The following USP50 variants were observed in gnomAD, a reference collection of about 807,000 sequenced individuals.
The protein encoded by USP50 is ubiquitin carboxyl-terminal hydrolase 50.
In USP50, 37 loss-of-function variants were observed where a neutral mutation model predicts 39.2. The ratio of observed to expected loss-of-function variants is 0.94; its 90% CI spans 0.73 to 1.24. The LOEUF is 1.24. USP50 is among the 50% of genes most tolerant of loss of function. The pLI is 0.00. For synonymous variants in USP50, 139 were observed against 144.5 expected, an observed-to-expected ratio of 0.96 and a Z score of 0.27; for missense variants, 374 against 398.2, an observed-to-expected ratio of 0.94 and a Z score of 0.52.
At chr15:50,495,002 G>C (rs950677611) in intron 1 of USP50, among the ~76,000 whole-genome samples, 2 of 146,076 alleles carry the variant, frequency 1.4e-5, no homozygotes, top group Non-Finnish European at 1.5e-5. Context: ...CTGGGCGACA[G>C]AGTGAGACTC....
At chr15:50,532,706 T>C (rs1317857332) in intron 5 of USP50, among the ~76,000 whole-genome samples, 1 of 152,106 alleles carries the variant, frequency 6.6e-6, no homozygotes, top group Non-Finnish European at 1.5e-5. Flanking sequence ...AATTTAAAAC[T>C]GATCAACACA....
rs1173450890 is a variant in USP50 at position 50,494,289 on chromosome 15, T to C, written n.185-159A>G. 2.5e-6 allele frequency: 4 copies of C among 1,586,430 alleles called. No individual in the cohort carries two copies. Among genetic ancestry groups the C allele is most frequent in the Admixed American group, 1.9e-5 (1 of 53,176 alleles). Reference sequence around the variant, plus strand: ...ATGAAGATCTAAATAAAGTAAGAAATTTGATTTTTCTAAGTTGCAGAGACT... The same window carrying C: ...ATGAAGATCTAAATAAAGTAAGAAACTTGATTTTTCTAAGTTGCAGAGACT... On this transcript the variant is annotated intron_variant and non_coding_transcript_variant, in intron 1 of 1. Coordinates refer to the USP50 transcript ENST00000560159.
Position 50,525,715 on chromosome 15 carries a change from G to A in USP50, c.936+4082C>T, listed in dbSNP as rs1330693291. The stretch of plus-strand genomic sequence containing the variant: ...TGTATATGTATATATATGTATATAT[G>A]TATATGTATATATGTATATGTATAT... On this transcript the variant is annotated intron_variant, in intron 6 of 6. Coordinates refer to ENST00000532404, the MANE Select transcript of USP50 (RefSeq NM_203494.5). Among the ~76,000 whole-genome samples the A allele has an allele frequency of 3.6e-3, 293 of 80,788 alleles. 4 individuals carry two copies. Among genetic ancestry groups the A allele is most frequent in the Admixed American group, 6.3e-3 (40 of 6,322 alleles). The allele number at this position is 80,788 out of a possible 152,430, so 53.0% of individuals were successfully genotyped here. A position where few individuals can be genotyped will look rare whatever the true frequency, so the allele number is the denominator to read the frequency against.
rs1183462926 is a variant in USP50 at position 50,543,604 on chromosome 15, T to C, written c.438A>G (p.Leu146=). ...ICVLNELHEA[L]KKYHYSRRRS... is the part of the protein sequence containing the mutation. ...GGTCATTAACTCTACTTACCTTTTT[T>C]AGAGCTTCATGAAGTTCATTTAGGA... is the stretch of plus-strand genomic sequence containing the variant. The change falls in exon 3 of 7, where the codon CTA becomes CTG. Residue 146 remains leucine (L), a synonymous_variant. Transcript: ENST00000532404. 1.2e-6 allele frequency: 2 copies of C among 1,612,796 alleles called. No homozygotes were observed. The highest frequency in any genetic ancestry group is 1.1e-5 in the South Asian group (1 of 90,738).
chr15:50,538,868 G>A lies in USP50; in HGVS notation c.661-17C>T, dbSNP rs2053005313. The A allele has an allele frequency of 6.3e-7, 1 of 1,582,646 alleles. No individual in the cohort carries two copies. Among genetic ancestry groups the A allele is most frequent in the Non-Finnish European group, 8.6e-7 (1 of 1,166,164 alleles). The stretch of plus-strand genomic sequence containing the variant: ...GAGACAGTCCTGTTAAGGAAAAAAA[G>A]GATTTGGTGACCAAATTGGATCAAC... On this transcript the variant is annotated splice_polypyrimidine_tract_variant and intron_variant, in intron 4 of 6. Transcript: ENST00000532404.
chr15:50,508,462 T>TA (rs764162253), intron 6 of USP50: 5 of 152,102 alleles, frequency 3.3e-5, no homozygotes, highest in Non-Finnish European at 5.9e-5. Context: ...TATTCTATAA[T>TA]AAAAAAAGGC....
intron 6 of USP50, among the ~76,000 whole-genome samples, chr15:50,520,255 A>T (rs759635282): frequency 6.6e-6 from 1 of 151,262 alleles, no homozygotes; most frequent in African/African-American, 2.4e-5. Flanking sequence ...GTTGTAATGG[A>T]GCCATGATTT....
At chr15:50,511,613 G>A (rs2052739538) in intron 6 of USP50, 1 of 152,230 alleles carries the variant, frequency 6.6e-6, no homozygotes, top group Non-Finnish European at 1.5e-5. Flanking sequence ...ACAGATACAT[G>A]CTATGACATG....
In USP50 at chr15:50,537,510, C is replaced by T. The variant is rs765398006; in HGVS notation, c.803+1199G>A. ...CACTGTCAAGAGAATAAAAAACAAG[C>T]CATGGACTAAAAAAAAAAAAAGACA... On this transcript the variant is annotated intron_variant, in intron 5 of 6. Coordinates refer to ENST00000532404, the MANE Select transcript of USP50 (RefSeq NM_203494.5). 1.4e-3 allele frequency among the ~76,000 whole-genome samples: 214 copies of T among 150,780 alleles called. 7 individuals carry two copies. Among genetic ancestry groups the T allele is most frequent in the Non-Finnish European group, 1.3e-3 (85 of 67,746 alleles).
chr15:50,531,364 AAAGG>A (rs2052939109), intron 5 of USP50, among the ~76,000 whole-genome samples: 1 of 152,222 alleles, frequency 6.6e-6, no homozygotes, highest in Admixed American at 6.5e-5. Context: ...ACACTCACAA[AAAGG>A]AATAGCACAC....
At chr15:50,515,448 G>T (rs781737582) in intron 6 of USP50, among the ~76,000 whole-genome samples, 1 of 151,796 alleles carries the variant, frequency 6.6e-6, no homozygotes, top group African/African-American at 2.4e-5. Flanking sequence ...CACTATGTTG[G>T]CCAGGCTGGT....
In USP50 at chr15:50,538,715, A is replaced by G; in HGVS notation, c.797T>C (p.Leu266Pro). The change falls in exon 5 of 7, where the codon CTA (leucine) becomes CCA (proline). Residue 266 changes from leucine (L) to proline (P), a missense_variant. Transcript: ENST00000532404. Reference protein sequence around the residue: ...SKAPKIIIFHLKRFDIQGTTK... With the variant: ...SKAPKIIIFHPKRFDIQGTTK... ...AAAATGTAAAAATCCATACCTTTTT[A>G]GGTGGAAAATAATTATTTTTGGTGC... 1 of 1,582,342 alleles carries G rather than the reference A, an allele frequency of 6.3e-7. No individual in the cohort carries two copies. Among genetic ancestry groups the G allele is most frequent in the Non-Finnish European group, 8.6e-7 (1 of 1,164,174 alleles).
intron 6 of USP50, among the ~76,000 whole-genome samples, chr15:50,515,257 T>TTG (rs1566904828): frequency 1.2e-4 from 18 of 151,822 alleles, no homozygotes; most frequent in Non-Finnish European, 2.1e-4. Flanking sequence ...TGTTGTTGTT[T>TTG]TTGAGACGGA....
At chr15:50,508,018 C>T (rs955907301) in intron 6 of USP50, 1 of 139,614 alleles carries the variant, frequency 7.2e-6, no homozygotes, top group Admixed American at 8.0e-5. Context: ...TGCAGTGAGC[C>T]GAGATGGTGC....
At chr15:50,496,917 T>A (rs1444524699), downstream of USP50, 2 of 762,062 alleles carry the variant, frequency 2.6e-6, no homozygotes, top group Non-Finnish European at 4.0e-6. Flanking sequence ...GCTGTCATTG[T>A]TCACTTGTCT....
At chr15:50,507,083 G>C (rs1363524436) in intron 6 of USP50, 2 of 150,846 alleles carry the variant, frequency 1.3e-5, no homozygotes, top group Non-Finnish European at 2.9e-5. Flanking sequence ...AGGAGTTCCA[G>C]ACCACCCTGG....
In USP50 at chr15:50,544,759, CAT is replaced by C; in HGVS notation, c.74_75del (p.Tyr25Ter). ...TCAGCCTCCTTAACTGGAAGGGTATCATAGTAATCTGTGCACTCTGCACTGTG... is the reference window on the plus strand; with the variant it reads ...TCAGCCTCCTTAACTGGAAGGGTATCAGTAATCTGTGCACTCTGCACTGTG... ...YHVLAECTDY[Y>X]DTLPVKEADG... On this transcript the variant is annotated frameshift_variant, in exon 2 of 7. Coordinates refer to ENST00000532404, the MANE Select transcript of USP50 (RefSeq NM_203494.5). LOFTEE classifies it high-confidence loss of function. 1.2e-6 allele frequency: 2 copies of C among 1,613,954 alleles called. No homozygotes were observed. The highest frequency in any genetic ancestry group is 1.7e-6 in the Non-Finnish European group (2 of 1,179,878).
At chr15:50,516,938 A>G (rs1321769059) in intron 6 of USP50, among the ~76,000 whole-genome samples, 1 of 152,144 alleles carries the variant, frequency 6.6e-6, no homozygotes, top group Non-Finnish European at 1.5e-5. Flanking sequence ...ACTAATTAAT[A>G]TGAGAGGAGA....
chr15:50,543,517 G>A (rs1566912786), intron 3 of USP50, 81 bp downstream of exon 3: 2 of 1,359,892 alleles, frequency 1.5e-6, no homozygotes, highest in Non-Finnish European at 2.0e-6. Context: ...AATATTAATT[G>A]AACAAGTAAA....
Sources: gnomAD v4.1 joint callset for allele counts (sites outside exome capture counted in the v4.1 genomes callset) on GRCh38, gnomAD v4.1.1 for gene constraint, MANE v1.5 for transcripts, NCBI Gene and HGNC (gene_info 2026-07-23, HGNC 2026-07-21) for gene names.